Variants in KANSL1L observed in about 807,000 individuals in gnomAD.
KANSL1L encodes the protein KAT8 regulatory NSL complex subunit 1 like, also known as KAT8 regulatory NSL complex subunit 1-like protein.
A neutral mutation model predicts 108.6 loss-of-function variants in KANSL1L; 25 were observed. That is an observed-to-expected ratio of 0.23 (90% confidence interval 0.17 to 0.32). KANSL1L has a LOEUF of 0.32. KANSL1L is among the 10% of genes least tolerant of loss of function. KANSL1L has a pLI of 1.00. For synonymous variants in KANSL1L, 405 were observed against 395.1 expected (o/e 1.03, Z -0.30); for missense variants, 1,137 against 1,125.7 (o/e 1.01, Z -0.14).
chr2:210,092,893 CA>C (rs1156239230), intron 5 of KANSL1L, among the ~76,000 whole-genome samples: 1 of 152,016 alleles, frequency 6.6e-6, no homozygotes, highest in Non-Finnish European at 1.5e-5. Context: ...AAAAAGTCTC[CA>C]CCATGATCAG....
chr2:210,099,568 T>C (rs1341539281), intron 4 of KANSL1L, among the ~76,000 whole-genome samples: 1 of 152,226 alleles, frequency 6.6e-6, no homozygotes, highest in South Asian at 2.1e-4. Context: ...AAATCACCAA[T>C]AGAAATGGAT....
Position 210,117,824 on chromosome 2 carries a change from C to T in KANSL1L, c.1230+11207G>A, listed in dbSNP as rs182528119. 2.3e-4 allele frequency among the ~76,000 whole-genome samples: 35 copies of T among 152,160 alleles called. 1 individual carries two copies. In the East Asian group the frequency reaches 6.8e-3, roughly 29 times the overall value. On this transcript the variant is annotated intron_variant, in intron 3 of 14. Transcript: ENST00000281772. ...AGCTGAACAATCTAAAATCAATAAA[C>T]AAATCTCTTGATTCATACAGCCTAG...
rs577013479 is a variant in KANSL1L, at chr2:210,162,821, G to T, written c.-29-8210C>A. Among the ~76,000 whole-genome samples the T allele has an allele frequency of 2.4e-4, 37 of 152,218 alleles. 1 individual carries two copies. The South Asian group carries it at 7.7e-3, about 32-fold the overall frequency. On this transcript the variant is annotated intron_variant, in intron 1 of 14. Coordinates refer to ENST00000281772, the MANE Select transcript of KANSL1L (RefSeq NM_152519.4). ...GTCAGTTCTGTCAAATGCTAAACAGGTCAAGCAGATGAAGATAGCAAAGCC... is the reference window on the plus strand; with the variant it reads ...GTCAGTTCTGTCAAATGCTAAACAGTTCAAGCAGATGAAGATAGCAAAGCC...
intron 6 of KANSL1L, among the ~76,000 whole-genome samples, chr2:210,065,741 A>G (rs886845486): frequency 2.0e-5 from 3 of 151,676 alleles, no homozygotes; most frequent in African/African-American, 4.8e-5. Flanking sequence ...GCGCACCACC[A>G]CGCCCGGCTA....
chr2:210,160,030 C>T (rs1057137934), intron 1 of KANSL1L, among the ~76,000 whole-genome samples: 5 of 151,780 alleles, frequency 3.3e-5, no homozygotes, highest in Non-Finnish European at 4.4e-5. Context: ...AGCGAGACTC[C>T]GTCTCAAAAA....
intron 6 of KANSL1L, among the ~76,000 whole-genome samples, chr2:210,057,869 C>G (rs973645021): frequency 4.6e-5 from 7 of 152,144 alleles, no homozygotes; most frequent in Non-Finnish European, 8.8e-5. Flanking sequence ...ATCTCTTAAT[C>G]CCGTCATCTT....
In KANSL1L at chr2:210,114,224, C is replaced by G. The variant is rs151024519; in HGVS notation, c.1231-9923G>C. Among the ~76,000 whole-genome samples the G allele has an allele frequency of 4.9e-3, 751 of 152,174 alleles. 7 individuals carry two copies. Among genetic ancestry groups the G allele is most frequent in the Non-Finnish European group, 8.3e-3 (561 of 67,980 alleles). Reference sequence around the variant, plus strand: ...GGATCCTCCGTAATACTATCAGTAGCCTCTTATGATAAACTTTGGAGGTCC... The same window carrying G: ...GGATCCTCCGTAATACTATCAGTAGGCTCTTATGATAAACTTTGGAGGTCC... On this transcript the variant is annotated intron_variant, in intron 3 of 14. Coordinates refer to ENST00000281772, the MANE Select transcript of KANSL1L (RefSeq NM_152519.4).
chr2:210,085,556 TTTATATTTTAAGGA>T (rs2094629494), intron 5 of KANSL1L, among the ~76,000 whole-genome samples: 1 of 152,128 alleles, frequency 6.6e-6, no homozygotes, highest in African/African-American at 2.4e-5. Flanking sequence ...TAATTTCTAT[TTTATATTTTAAGGA>T]AAACAAAAAT....
chr2:210,159,101 A>G (rs188787610), intron 1 of KANSL1L, among the ~76,000 whole-genome samples: 1 of 152,344 alleles, frequency 6.6e-6, no homozygotes, highest in Admixed American at 6.5e-5. Context: ...TTGCCAGTAT[A>G]TTTAAAATCC....
intron 3 of KANSL1L, among the ~76,000 whole-genome samples, chr2:210,127,717 T>G (rs1328679458): frequency 6.3e-5 from 9 of 142,390 alleles, no homozygotes; most frequent in African/African-American, 2.1e-4. Flanking sequence ...AAGGATTGCT[T>G]GAGCCCGGGA....
At chr2:210,033,690 C>T (rs1354512241) in intron 8 of KANSL1L, among the ~76,000 whole-genome samples, 30 of 111,946 alleles carry the variant, frequency 2.7e-4, no homozygotes, top group African/African-American at 6.6e-4. Context: ...CCACCACGCC[C>T]GGCTATTTTT....
At chr2:210,092,672 C>T (rs1032956432) in intron 5 of KANSL1L, among the ~76,000 whole-genome samples, 2 of 152,162 alleles carry the variant, frequency 1.3e-5, no homozygotes, top group Non-Finnish European at 2.9e-5. Flanking sequence ...CTTATTCTTA[C>T]TCTTCTTGCT....
intron 5 of KANSL1L, among the ~76,000 whole-genome samples, chr2:210,089,702 A>T (rs1272394684): frequency 2.0e-5 from 3 of 151,152 alleles, no homozygotes. Context: ...TTTTGGGGGG[A>T]GGGGCATGGG....
chr2:210,068,964 T>C (rs115969911), intron 6 of KANSL1L, among the ~76,000 whole-genome samples: 1,571 of 152,270 alleles, frequency 0.01, 28 homozygotes, highest in African/African-American at 0.036. Flanking sequence ...GCTATATCAC[T>C]TTTTGTAATA....
rs1265136608 is a variant in KANSL1L, at chr2:210,022,330, TTC to T, written c.*617_*618del. 1 of 152,492 alleles carries T rather than the reference TTC, an allele frequency of 6.6e-6. No homozygotes were observed. The highest frequency in any genetic ancestry group is 1.5e-5 in the Non-Finnish European group (1 of 68,014). The allele number at this position is 152,492 out of a possible 1,614,324, so 9.4% of individuals were successfully genotyped here. A position where few individuals can be genotyped will look rare whatever the true frequency, so the allele number is the denominator to read the frequency against. On this transcript the variant is annotated 3_prime_UTR_variant, in exon 15 of 15. Coordinates refer to ENST00000281772, the MANE Select transcript of KANSL1L (RefSeq NM_152519.4). ...AACAACAACAACAACAACAAAAAAC[TTC>T]TGTCTCTATATTCAGGACGTTCAGA... is the stretch of plus-strand genomic sequence containing the variant.
chr2:210,117,180 T>C (rs2094962809), intron 3 of KANSL1L, among the ~76,000 whole-genome samples: 1 of 152,028 alleles, frequency 6.6e-6, no homozygotes, highest in African/African-American at 2.4e-5. Flanking sequence ...AGACAGGCTA[T>C]GTGAAAATAT....
At chr2:210,155,798 C>T (rs1452607812) in intron 1 of KANSL1L, among the ~76,000 whole-genome samples, 2 of 152,116 alleles carry the variant, frequency 1.3e-5, no homozygotes, top group African/African-American at 4.8e-5. Context: ...TATTTTGTAA[C>T]CTGATATGCC....
At chr2:210,111,771 T>C (rs1279950961) in intron 3 of KANSL1L, among the ~76,000 whole-genome samples, 2 of 152,236 alleles carry the variant, frequency 1.3e-5, no homozygotes, top group African/African-American at 2.4e-5. Context: ...TTAGGGTACA[T>C]GTGCACAACG....
At chr2:210,067,716 CAAAAAAAAAAAAAA>C (rs569072484) in intron 6 of KANSL1L, among the ~76,000 whole-genome samples, 1 of 92,948 alleles carries the variant, frequency 1.1e-5, no homozygotes, top group African/African-American at 4.6e-5. Flanking sequence ...ACCCTGTCTC[CAAAAAAAAAAAAAA>C]AAAAAAAAAA....
Sources: allele counts gnomAD v4.1 joint callset (sites outside exome capture counted in the v4.1 genomes callset), GRCh38; gene constraint gnomAD v4.1.1; transcripts MANE v1.5; gene names NCBI Gene and HGNC (gene_info 2026-07-23, HGNC 2026-07-21).